Variants in WAC observed in about 807,000 individuals in gnomAD.
WAC encodes the protein WW domain containing adaptor with coiled-coil, also known as WW domain-containing adapter protein with coiled-coil.
WAC carries 11 observed loss-of-function variants against 79.6 expected under a neutral mutation model. That is an observed-to-expected ratio of 0.14 (90% CI 0.09 to 0.23). WAC has a LOEUF of 0.23. Ranked by LOEUF, WAC falls within the 10% of genes least tolerant of loss-of-function variation. WAC has a pLI of 1.00. For missense variants in WAC, 728 were observed against 773.5 expected, an observed-to-expected ratio of 0.94 and a Z score of 0.70; for synonymous variants, 304 against 276.9, an observed-to-expected ratio of 1.10 and a Z score of -0.97.
intron 9 of WAC, 103 bp from the exon 10 acceptor site, chr10:28,611,653 TAATATGGGGGTGGGGGGG>T (rs1200423079): frequency 7.7e-7 from 1 of 1,305,594 alleles, no homozygotes; most frequent in Non-Finnish European, 1.0e-6. Context: ...GTTCTCTGGG[TAATATGGGGGTGGGGGGG>T]TTTAGAGTAA....
intron 7 of WAC, among the ~76,000 whole-genome samples, chr10:28,602,173 G>C (rs1323546847): frequency 1.3e-5 from 2 of 152,214 alleles, no homozygotes; most frequent in Non-Finnish European, 2.9e-5. Context: ...GGGAAGCACA[G>C]TATGTGGGAG....
chr10:28,609,927 T>C (rs1249029702), intron 8 of WAC, among the ~76,000 whole-genome samples: 1 of 72,332 alleles, frequency 1.4e-5, no homozygotes, highest in Non-Finnish European at 2.8e-5. Context: ...TCCTAAATAC[T>C]TTTTTTTTTT....
chr10:28,622,958 T>C lies in WAC; in HGVS notation c.*3352T>C, dbSNP rs952312053. 1.3e-5 allele frequency: 2 copies of C among 152,204 alleles called. No homozygotes were observed. The highest frequency in any genetic ancestry group is 2.4e-5 in the African/African-American group (1 of 41,448). The allele number at this position is 152,204 out of a possible 1,614,324, so 9.4% of individuals were successfully genotyped here. On this transcript the variant is annotated 3_prime_UTR_variant, in exon 14 of 14. Transcript: ENST00000354911. ...CTGTAAATATGGCTATATTCTTGTA[T>C]TTGTACGGGAGTGTACAAAATGACA...
chr10:28,597,025 T>TA (rs1030458256), intron 7 of WAC, among the ~76,000 whole-genome samples: 2 of 152,144 alleles, frequency 1.3e-5, no homozygotes, highest in African/African-American at 4.8e-5. Flanking sequence ...AACTCAACTA[T>TA]AAATACATTT....
rs1836394509 is a variant in WAC at position 28,533,505 on chromosome 10, C to T, written c.-75C>T. On this transcript the variant is annotated 5_prime_UTR_variant, in exon 1 of 14. Coordinates refer to ENST00000354911, the MANE Select transcript of WAC (RefSeq NM_016628.5). ...GGGGCTGCCCGCCGCCCGCCGCCGCCGCCGCCTGCGCGCCCGCCCGCCTTT... is the reference window on the plus strand; with the variant it reads ...GGGGCTGCCCGCCGCCCGCCGCCGCTGCCGCCTGCGCGCCCGCCCGCCTTT... The T allele has an allele frequency of 1.9e-6, 2 of 1,054,020 alleles. No individual in the cohort carries two copies. The highest frequency in any genetic ancestry group is 2.8e-5 in the South Asian group (1 of 36,222). The allele number at this position is 1,054,020 out of a possible 1,614,324, so 65.3% of individuals were successfully genotyped here.
chr10:28,546,313 T>TA (rs1423890886), intron 3 of WAC, among the ~76,000 whole-genome samples: 1 of 152,220 alleles, frequency 6.6e-6, no homozygotes, highest in East Asian at 1.9e-4. Flanking sequence ...ATTTCTGCAT[T>TA]TAATAATTTG....
intron 3 of WAC, among the ~76,000 whole-genome samples, chr10:28,548,969 A>T (rs1047640057): frequency 6.6e-6 from 1 of 152,040 alleles, no homozygotes; most frequent in Non-Finnish European, 1.5e-5. Context: ...GTCATGGCTC[A>T]CTGCAGCCTC....
chr10:28,569,321 A>G (rs1035725849), intron 3 of WAC, among the ~76,000 whole-genome samples: 7 of 152,160 alleles, frequency 4.6e-5, no homozygotes, highest in Non-Finnish European at 5.9e-5. Context: ...AAACTTTTTC[A>G]TATTAAGGAA....
chr10:28,584,013 G>T (rs937178762), intron 4 of WAC, among the ~76,000 whole-genome samples: 1 of 152,126 alleles, frequency 6.6e-6, no homozygotes, highest in African/African-American at 2.4e-5. Context: ...TATTTATTTT[G>T]AATTTTAAGT....
chr10:28,593,230 T>G (rs1840187508), intron 6 of WAC, among the ~76,000 whole-genome samples: 1 of 152,184 alleles, frequency 6.6e-6, no homozygotes, highest in Non-Finnish European at 1.5e-5. Context: ...GAATAAGCCA[T>G]TCAAGTATTT....
intron 6 of WAC, among the ~76,000 whole-genome samples, chr10:28,593,766 A>T (rs1840219183): frequency 6.6e-6 from 1 of 152,116 alleles, no homozygotes; most frequent in Non-Finnish European, 1.5e-5. Flanking sequence ...TCAAATGTTA[A>T]TATTCTCCAC....
chr10:28,612,095 A>AGG (rs1007399243), intron 10 of WAC, among the ~76,000 whole-genome samples, 173 bp downstream of exon 10: 3 of 152,182 alleles, frequency 2.0e-5, no homozygotes, highest in Non-Finnish European at 4.4e-5. Context: ...TGAGGGATAG[A>AGG]GGGGGGCTTT....
chr10:28,578,065 A>C (rs1839337870), intron 3 of WAC, among the ~76,000 whole-genome samples: 1 of 152,216 alleles, frequency 6.6e-6, no homozygotes, highest in South Asian at 2.1e-4. Context: ...AGGCTGAGGC[A>C]CAAGGATCTC....
chr10:28,570,231 G>A (rs1838871528), intron 3 of WAC, among the ~76,000 whole-genome samples: 1 of 152,174 alleles, frequency 6.6e-6, no homozygotes. Flanking sequence ...ACAGATAATA[G>A]AGTGGAGGCT....
chr10:28,564,661 A>G (rs994898814), intron 3 of WAC, among the ~76,000 whole-genome samples: 3 of 152,234 alleles, frequency 2.0e-5, no homozygotes, highest in Non-Finnish European at 4.4e-5. Context: ...TTTTAGGGGA[A>G]GAAAAATCTA....
At chr10:28,592,909 T>G (rs1840170410) in intron 6 of WAC, among the ~76,000 whole-genome samples, 8 of 152,226 alleles carry the variant, frequency 5.3e-5, no homozygotes, top group Admixed American at 5.2e-4. Context: ...TATGTCTGTT[T>G]ATAATTCTGC....
chr10:28,605,610 A>G (rs1840901846), intron 7 of WAC, among the ~76,000 whole-genome samples: 1 of 152,188 alleles, frequency 6.6e-6, no homozygotes, highest in African/African-American at 2.4e-5. Context: ...GGGTAAATAA[A>G]CAGAAATTAA....
chr10:28,610,651 C>T (rs377522397), intron 8 of WAC, 48 bp from the exon 9 acceptor site: 6 of 1,553,626 alleles, frequency 3.9e-6, no homozygotes, highest in Non-Finnish European at 4.3e-6. Context: ...ACTAATGCCA[C>T]ATAAGCCTCT....
chr10:28,614,580 T>C lies in WAC; in HGVS notation c.1451T>C (p.Val484Ala). The C allele has an allele frequency of 6.2e-7, 1 of 1,614,078 alleles. No homozygotes were observed. ...TTGACATTTCAGGTTAGTACTCCAG[T>C]AGTTAAGCAAGGACCAGTGTCACAG... is the stretch of plus-strand genomic sequence containing the variant. The part of the protein sequence containing the change: ...VSSQPKVSTP[V>A]VKQGPVSQSA... The change falls in exon 11 of 14, where the codon GTA (valine) becomes GCA (alanine). Residue 484 changes from valine (V) to alanine (A), a missense_variant. This residue lies in a region of WAC where 648 missense variants were observed against 661.5 expected (regional missense o/e 0.98). Transcript: ENST00000354911.
Sources: allele counts gnomAD v4.1 joint callset (sites outside exome capture counted in the v4.1 genomes callset), GRCh38; gene constraint gnomAD v4.1.1; regional missense constraint gnomAD v4.1.1; transcripts MANE v1.5; gene names NCBI Gene and HGNC (gene_info 2026-07-23, HGNC 2026-07-21).